Variants in MEG3 observed in about 807,000 individuals in gnomAD.
MEG3 encodes the protein Very putative protein from MEG3 locus.
downstream of MEG3, chr14:100,830,448 G>C (rs1431797046): frequency 1.3e-5 from 2 of 151,906 alleles, no homozygotes. Context: ...CTATGAAAGT[G>C]CTTTGTAAAT....
intron 2 of MEG3, among the ~76,000 whole-genome samples, chr14:100,843,482 A>T (rs938911162): frequency 1.3e-5 from 2 of 150,518 alleles, no homozygotes; most frequent in Middle Eastern, 3.2e-3. Context: ...TCGGCCCCTC[A>T]GTCACCCATG....
exon 1 of MEG3, chr14:100,859,377 A>G (rs1395905937): frequency 6.6e-6 from 1 of 152,164 alleles, no homozygotes; most frequent in Admixed American, 6.5e-5. Context: ...AAATATTTGT[A>G]TCTAGGATAA....
At chr14:100,840,961 A>AGAGT (rs2037738234) in intron 2 of MEG3, among the ~76,000 whole-genome samples, 1 of 152,190 alleles carries the variant, frequency 6.6e-6, no homozygotes, top group Admixed American at 6.5e-5. Flanking sequence ...CAGTGGACAT[A>AGAGT]GAGTGATTCC....
At chr14:100,835,157 A>C (rs1189845279) in exon 1 of MEG3, 1 of 263,298 alleles carries the variant, frequency 3.8e-6, no homozygotes, top group African/African-American at 2.2e-5. Context: ...GGTCGGAGCC[A>C]GCCCCTTCTC....
Position 100,837,286 on chromosome 14 carries a change from C to T in MEG3, n.3045+986C>T, listed in dbSNP as rs1312771311. 1.3e-5 allele frequency among the ~76,000 whole-genome samples: 2 copies of T among 152,294 alleles called. No individual in the cohort carries two copies. Among genetic ancestry groups the T allele is most frequent in the South Asian group, 4.1e-4 (2 of 4,828 alleles). ...GGGGTCCCAGGGACTGAGTCTGTGG[C>T]TCACTCAGGGCGATGGGGTGTTTTT... On this transcript the variant is annotated intron_variant and non_coding_transcript_variant, in intron 2 of 3. Transcript: ENST00000398461. This position sits in a 1 kb window ranked among gnomAD's most constrained non-coding sequence, Gnocchi z 5.8.
At chr14:100,852,238 G>A (rs770481054) in intron 3 of MEG3, 4 of 453,110 alleles carry the variant, frequency 8.8e-6, no homozygotes, top group African/African-American at 4.0e-5. Context: ...TGGCAGCAAA[G>A]TGGGGTGCTC....
chr14:100,831,089 C>T (rs2037384242), downstream of MEG3: 1 of 153,006 alleles, frequency 6.5e-6, no homozygotes, highest in African/African-American at 2.4e-5. Context: ...GAGAGTCCTG[C>T]TCCCAGTGAG....
At chr14:100,839,388 G>A (rs1389240765) in intron 2 of MEG3, among the ~76,000 whole-genome samples, 2 of 152,208 alleles carry the variant, frequency 1.3e-5, no homozygotes, top group Admixed American at 1.3e-4. Context: ...GGAGGAATAA[G>A]GAGGTCTAGC....
At chr14:100,840,882 C>T (rs527699892) in intron 2 of MEG3, among the ~76,000 whole-genome samples, 2 of 152,340 alleles carry the variant, frequency 1.3e-5, no homozygotes, top group East Asian at 3.9e-4. Flanking sequence ...CGCATGTCTG[C>T]GCCGGCCTCC....
chr14:100,836,003 G>A (rs2037563120), intron 1 of MEG3: 1 of 343,280 alleles, frequency 2.9e-6, no homozygotes, highest in African/African-American at 2.2e-5. Flanking sequence ...CCAGCCCGTT[G>A]CTGCTTTGCA....
upstream of MEG3, chr14:100,854,821 T>C (rs1001448270): frequency 6.5e-6 from 1 of 152,748 alleles, no homozygotes; most frequent in Non-Finnish European, 1.5e-5. Context: ...TGTCAGCAAA[T>C]GTCCTCAGCC....
intron 2 of MEG3, among the ~76,000 whole-genome samples, chr14:100,842,864 G>C (rs980959962): frequency 1.3e-5 from 2 of 152,190 alleles, no homozygotes; most frequent in African/African-American, 4.8e-5. Flanking sequence ...TGAGCTCACT[G>C]CACGCACTTA....
chr14:100,828,929 T>G (rs930823225), intron 2 of MEG3: 1 of 152,164 alleles, frequency 6.6e-6, no homozygotes, highest in Non-Finnish European at 1.5e-5. Flanking sequence ...AAGACAATTT[T>G]AAATTTTAAC....
At chr14:100,853,457 C>A (rs2038147891), upstream of MEG3, 1 of 152,166 alleles carries the variant, frequency 6.6e-6, no homozygotes. Context: ...CACCACTCAA[C>A]ATTCTGACAT....
chr14:100,851,112 C>T (rs2038059415), intron 3 of MEG3: 1 of 152,322 alleles, frequency 6.6e-6, no homozygotes, highest in Non-Finnish European at 1.5e-5. Flanking sequence ...CTCAGTTTCC[C>T]CATCTGTAAA....
At chr14:100,844,832 A>G (rs2037866598) in intron 2 of MEG3, among the ~76,000 whole-genome samples, 1 of 152,218 alleles carries the variant, frequency 6.6e-6, no homozygotes. Flanking sequence ...AAAACAAAAC[A>G]AAAAAACAAG....
intron 2 of MEG3, among the ~76,000 whole-genome samples, chr14:100,843,833 GTTT>G (rs11307044): frequency 1.4e-4 from 10 of 70,730 alleles, no homozygotes; most frequent in East Asian, 4.7e-4. Context: ...CCCGGGACCT[GTTT>G]TTTTTTTTTT....
chr14:100,848,921 A>G (rs2037992254), intron 3 of MEG3: 1 of 152,216 alleles, frequency 6.6e-6, no homozygotes, highest in African/African-American at 2.4e-5. Flanking sequence ...AGACAGTTTT[A>G]CCCATTAAAT....
intron 3 of MEG3, chr14:100,851,688 C>G (rs2038081294): frequency 6.6e-6 from 1 of 152,600 alleles, no homozygotes. Flanking sequence ...CATGCCATCC[C>G]CAGAGCCTGG....
Sources: gnomAD v4.1 joint callset for allele counts (sites outside exome capture counted in the v4.1 genomes callset) on GRCh38, gnomAD v4.1.1 for gene constraint, Gnocchi (gnomAD v3.1) non-coding constraint, MANE v1.5 for transcripts, NCBI Gene and HGNC (gene_info 2026-07-23, HGNC 2026-07-21) for gene names.